The following PTPRN2 variants were observed in gnomAD, a reference collection of about 807,000 sequenced individuals.
PTPRN2 encodes the protein protein tyrosine phosphatase receptor type N2.
Under a neutral mutation model 118.8 loss-of-function variants are expected in PTPRN2, and 74 were observed. The observed-to-expected ratio is 0.62, with a 90% CI of 0.52 to 0.76. The LOEUF is 0.76. PTPRN2 is among the 30% of genes least tolerant of loss of function. The pLI is 0.00. For missense variants in PTPRN2, 1,481 were observed against 1,394.4 expected (o/e 1.06, Z -0.99); for synonymous variants, 641 against 608.0 (o/e 1.05, Z -0.80).
intron 11 of PTPRN2, among the ~76,000 whole-genome samples, chr7:157,962,074 C>T (rs944916379): frequency 6.6e-5 from 10 of 152,286 alleles, no homozygotes; most frequent in South Asian, 6.2e-4. Flanking sequence ...CCTACTCTGG[C>T]GGGAAACACA....
intron 17 of PTPRN2, among the ~76,000 whole-genome samples, chr7:157,581,912 A>G (rs971383786): frequency 2.6e-5 from 4 of 152,208 alleles, no homozygotes; most frequent in African/African-American, 9.7e-5. Context: ...GGCCACGCGC[A>G]GACAGGCAGA....
At chr7:158,467,439 C>T (rs940051891) in intron 2 of PTPRN2, among the ~76,000 whole-genome samples, 4 of 152,170 alleles carry the variant, frequency 2.6e-5, no homozygotes, top group Admixed American at 1.3e-4. Context: ...CTTTACCGCA[C>T]GGCAGCTTTT....
intron 3 of PTPRN2, among the ~76,000 whole-genome samples, chr7:158,229,181 T>C (rs1219591688): frequency 1.3e-5 from 2 of 151,890 alleles, no homozygotes; most frequent in Non-Finnish European, 1.5e-5. Context: ...TAAGGTGCCA[T>C]CTAGTGCCGA....
intron 3 of PTPRN2, among the ~76,000 whole-genome samples, chr7:158,316,238 G>A (rs552623082): frequency 4.6e-5 from 7 of 152,254 alleles, no homozygotes; most frequent in African/African-American, 1.7e-4. Flanking sequence ...ACTACCCTCC[G>A]TGGAGTCAGA....
rs117677008 is a variant in PTPRN2 at position 158,277,240 on chromosome 7, G to A, written c.277+39579C>T. Among the ~76,000 whole-genome samples, 202 of 152,304 alleles carry A rather than the reference G, an allele frequency of 1.3e-3. 1 individual carries two copies. The highest frequency in any genetic ancestry group is 2.3e-3 in the Non-Finnish European group (157 of 68,026). On this transcript the variant is annotated intron_variant, in intron 3 of 22. Transcript: ENST00000389418. ...AGAACTGTCAGAGCGGTGAGATGAC[G>A]GCAGCCTGTGCGAATCGGCCTCCAG...
In PTPRN2 at chr7:158,489,746, G is replaced by A; in HGVS notation, c.152C>T (p.Ala51Val). The A allele has an allele frequency of 3.2e-6, 5 of 1,583,862 alleles. No homozygotes were observed. The highest frequency in any genetic ancestry group is 4.3e-6 in the Non-Finnish European group (5 of 1,166,230). ...GACCCCACACTCACCGTTCACACAG[G>A]CCTCGGACGCTCCGCAGAGGCCCTC... Reference protein sequence around the residue: ...LEEGLCGASEACVNDGVFGRC... With the variant: ...LEEGLCGASEVCVNDGVFGRC... Residue 51 changes from alanine (A) to valine (V), a missense_variant, in exon 2 of 23, where the codon GCC becomes GTC. Physicochemically the swap from Ala to Val is moderately conservative, Grantham distance 64. Transcript: ENST00000389418.
At chr7:158,132,666 TATACACACAG>T (rs1442635321) in intron 9 of PTPRN2, among the ~76,000 whole-genome samples, 1 of 150,524 alleles carries the variant, frequency 6.6e-6, no homozygotes, top group Non-Finnish European at 1.5e-5. Flanking sequence ...TACACACTCA[TATACACACAG>T]ATACACACAC....
chr7:157,925,826 C>T (rs893083649), intron 11 of PTPRN2, among the ~76,000 whole-genome samples: 33 of 151,966 alleles, frequency 2.2e-4, no homozygotes, highest in Admixed American at 1.0e-3. Flanking sequence ...GAACCAGTGA[C>T]GTGATGGTAA....
chr7:157,781,303 T>A (rs1174030766), intron 12 of PTPRN2, among the ~76,000 whole-genome samples: 1 of 152,202 alleles, frequency 6.6e-6, no homozygotes, highest in Non-Finnish European at 1.5e-5. Context: ...CGCCTGGACA[T>A]GTCCGGACCA....
chr7:158,526,645 A>C lies in PTPRN2; in HGVS notation c.113-36860T>G, dbSNP rs1824803446. Among the ~76,000 whole-genome samples, 2 of 152,076 alleles carry C rather than the reference A, an allele frequency of 1.3e-5. No individual in the cohort carries two copies. The highest frequency in any genetic ancestry group is 4.8e-5 in the African/African-American group (2 of 41,404). On this transcript the variant is annotated intron_variant, in intron 1 of 22. Coordinates refer to ENST00000389418, the MANE Select transcript of PTPRN2 (RefSeq NM_002847.5). This position sits in a 1 kb window ranked among gnomAD's most constrained non-coding sequence, Gnocchi z 5.2. ...GACTGTATTTGGAGATGGGTCTTGA[A>C]AGAGGTGATTTCAGTAAAACGAGGT...
chr7:158,160,636 A>G (rs764317907), intron 6 of PTPRN2, among the ~76,000 whole-genome samples: 2 of 152,196 alleles, frequency 1.3e-5, no homozygotes, highest in Non-Finnish European at 1.5e-5. Flanking sequence ...TTTTTGACTC[A>G]TCTTGTCAAA....
chr7:158,121,586 T>C (rs1038310715), intron 9 of PTPRN2, among the ~76,000 whole-genome samples: 2 of 152,198 alleles, frequency 1.3e-5, no homozygotes, highest in Non-Finnish European at 1.5e-5. Flanking sequence ...GGGGATGGTA[T>C]GAGGACATGG....
chr7:158,334,296 G>T (rs796874534), intron 2 of PTPRN2, among the ~76,000 whole-genome samples: 228 of 6,836 alleles, frequency 0.033, 64 homozygotes, highest in East Asian at 0.092. Context: ...CTCACCATAA[G>T]AGCTGACACC....
rs1263655592 is a variant in PTPRN2, at chr7:157,580,471, CGCA to C, written c.2497-2334_2497-2332del. On this transcript the variant is annotated intron_variant, in intron 17 of 22. Transcript: ENST00000389418. Reference sequence around the variant, plus strand: ...CCTGCACACCCCAGCACCTGCACACCGCAGCACCTGCACACCACAGCACCTGCA... The same window carrying C: ...CCTGCACACCCCAGCACCTGCACACCGCACCTGCACACCACAGCACCTGCA... 5.5e-4 allele frequency among the ~76,000 whole-genome samples: 82 copies of C among 149,976 alleles called. 1 individual carries two copies. Among genetic ancestry groups the C allele is most frequent in the African/African-American group, 1.8e-3 (73 of 40,732 alleles).
In PTPRN2 at chr7:158,468,998, C is replaced by A. The variant is rs75400928; in HGVS notation, c.163+20737G>T. On this transcript the variant is annotated intron_variant, in intron 2 of 22. Coordinates refer to ENST00000389418, the MANE Select transcript of PTPRN2 (RefSeq NM_002847.5). ...CACTATGCACACCCATGCACACTCC[C>A]GGTGGATCAACACTATGCACACCCA... Among the ~76,000 whole-genome samples, 322 of 54,842 alleles carry A rather than the reference C, an allele frequency of 5.9e-3. 40 individuals carry two copies. Among genetic ancestry groups the A allele is most frequent in the African/African-American group, 0.013 (231 of 18,172 alleles). The allele number at this position is 54,842 out of a possible 152,430, so 36.0% of individuals were successfully genotyped here.
rs1240746085 is a variant in PTPRN2, at chr7:158,081,396, A to G, written c.1644-19T>C. ...GAGAACCCTGGAAGGGATAATTTAA[A>G]ATAAGTTCATAACGAAGTCTACGCG... On this transcript the variant is annotated intron_variant, in intron 10 of 22. Coordinates refer to ENST00000389418, the MANE Select transcript of PTPRN2 (RefSeq NM_002847.5). 6.2e-7 allele frequency: 1 copy of G among 1,610,760 alleles called. No individual in the cohort carries two copies. Among genetic ancestry groups the G allele is most frequent in the Admixed American group, 1.7e-5 (1 of 60,020 alleles).
At chr7:157,939,029 C>T (rs182858540) in intron 11 of PTPRN2, among the ~76,000 whole-genome samples, 5 of 152,302 alleles carry the variant, frequency 3.3e-5, no homozygotes, top group East Asian at 1.9e-4. Context: ...ACCCAAATTC[C>T]GAATTACAGT....
intron 11 of PTPRN2, among the ~76,000 whole-genome samples, chr7:158,020,730 G>A (rs777827450): frequency 6.6e-6 from 1 of 152,216 alleles, no homozygotes; most frequent in Non-Finnish European, 1.5e-5. Flanking sequence ...TACAGAAACG[G>A]AATAGGTAAG....
chr7:158,062,167 G>A (rs906168106), intron 11 of PTPRN2, among the ~76,000 whole-genome samples: 17 of 152,258 alleles, frequency 1.1e-4, no homozygotes, highest in African/African-American at 2.7e-4. Context: ...AGGTGGCTTC[G>A]CATCAGCTCA....
Sources: gnomAD v4.1 joint callset for allele counts (sites outside exome capture counted in the v4.1 genomes callset) on GRCh38, gnomAD v4.1.1 for gene constraint, Gnocchi (gnomAD v3.1) non-coding constraint, MANE v1.5 for transcripts, NCBI Gene and HGNC (gene_info 2026-07-23, HGNC 2026-07-21) for gene names.